The following ADAMTSL1 variants were observed in gnomAD, a reference collection of about 807,000 sequenced individuals.
The protein encoded by ADAMTSL1 is ADAMTS-like protein 1.
A neutral mutation model predicts 201.8 loss-of-function variants in ADAMTSL1; 126 were observed. The observed-to-expected ratio is 0.62, with a 90% CI of 0.54 to 0.72. The LOEUF (loss-of-function observed/expected upper bound fraction) is 0.72, where lower values mean the gene tolerates loss of function less well. Ranked by LOEUF, ADAMTSL1 falls within the 30% of genes least tolerant of loss-of-function variation. ADAMTSL1 has a pLI of 0.00. For synonymous variants in ADAMTSL1, 1,121 were observed against 903.4 expected, an observed-to-expected ratio of 1.24 and a Z score of -4.32; for missense variants, 2,679 against 2,277.8, an observed-to-expected ratio of 1.18 and a Z score of -3.59.
intron 1 of ADAMTSL1, among the ~76,000 whole-genome samples, chr9:18,490,824 G>A (rs753301006): frequency 2.6e-5 from 4 of 152,172 alleles, no homozygotes; most frequent in South Asian, 4.1e-4. Flanking sequence ...GAGGAGCCAC[G>A]TCAGCCAAGC....
In ADAMTSL1 at chr9:18,158,975, C is replaced by A. The variant is rs545871146; in HGVS notation, c.88-4887C>A. Among the ~76,000 whole-genome samples the A allele has an allele frequency of 1.6e-3, 241 of 152,052 alleles. 2 individuals are homozygous for A. The highest frequency in any genetic ancestry group is 5.6e-3 in the African/African-American group (231 of 41,522). The stretch of plus-strand genomic sequence containing the variant: ...AACTGGAGCTAGATTGTTTTGGCTC[C>A]AATAAATGTTTCTATTCAGCTATTT... On this transcript the variant is annotated intron_variant, in intron 1 of 29. Transcript: ENST00000680146.
Position 18,475,661 on chromosome 9 carries a change from G to A in ADAMTSL1, c.63+1366G>A, listed in dbSNP as rs138449524. Among the ~76,000 whole-genome samples the A allele has an allele frequency of 1.4e-3, 219 of 152,236 alleles. 1 individual carries two copies. The highest frequency in any genetic ancestry group is 6.8e-3 in the Middle Eastern group (2 of 294). On this transcript the variant is annotated intron_variant, in intron 1 of 28. Coordinates refer to ENST00000380548, the MANE Select transcript of ADAMTSL1 (RefSeq NM_001040272.6). ...TTAGGTATGCTTTATGACTTGTGGAGCAAGCGATTTATGAAAGGTGTCTCA... is the reference window on the plus strand; with the variant it reads ...TTAGGTATGCTTTATGACTTGTGGAACAAGCGATTTATGAAAGGTGTCTCA...
chr9:18,745,216 G>C (rs1386786028), intron 15 of ADAMTSL1, among the ~76,000 whole-genome samples: 2 of 152,078 alleles, frequency 1.3e-5, no homozygotes, highest in African/African-American at 4.8e-5. Flanking sequence ...TTATTATTAT[G>C]ATGATTGCCA....
At chr9:18,707,105 C>CTGCA in intron 14 of ADAMTSL1, 57 bp downstream of exon 14, 1 of 1,558,452 alleles carries the variant, frequency 6.4e-7, no homozygotes, top group Non-Finnish European at 8.7e-7. Flanking sequence ...TTTTCTCTCT[C>CTGCA]TGCATGCAGC....
intron 23 of ADAMTSL1, among the ~76,000 whole-genome samples, chr9:18,832,579 C>T (rs1429628949): frequency 6.6e-6 from 1 of 152,164 alleles, no homozygotes; most frequent in African/African-American, 2.4e-5. Flanking sequence ...TTGAGGATAA[C>T]AGAATTCTAG....
intron 1 of ADAMTSL1, among the ~76,000 whole-genome samples, chr9:18,100,257 A>C (rs924132797): frequency 3.3e-5 from 5 of 151,944 alleles, no homozygotes; most frequent in African/African-American, 1.2e-4. Flanking sequence ...TATGTTACTC[A>C]TTTGTTTGTG....
At chr9:18,313,239 C>G (rs1267176769) in intron 2 of ADAMTSL1, among the ~76,000 whole-genome samples, 1 of 152,174 alleles carries the variant, frequency 6.6e-6, no homozygotes, top group Non-Finnish European at 1.5e-5. Context: ...TCTTTGAGAA[C>G]TATTTTTCTT....
intron 1 of ADAMTSL1, among the ~76,000 whole-genome samples, chr9:18,140,156 A>C (rs1447073391): frequency 6.6e-6 from 1 of 152,160 alleles, no homozygotes; most frequent in African/African-American, 2.4e-5. Flanking sequence ...TTTAACCCAT[A>C]ATAGGGAAGT....
intron 1 of ADAMTSL1, among the ~76,000 whole-genome samples, chr9:18,477,354 C>T (rs1563983739): frequency 6.6e-6 from 1 of 152,294 alleles, no homozygotes; most frequent in East Asian, 1.9e-4. Flanking sequence ...TAATAAAGTA[C>T]ATGTGTTTTC....
At chr9:18,095,990 C>T (rs1352981527) in intron 1 of ADAMTSL1, among the ~76,000 whole-genome samples, 2 of 152,136 alleles carry the variant, frequency 1.3e-5, no homozygotes, top group Non-Finnish European at 2.9e-5. Context: ...TTGGTCTTGT[C>T]TGTATTGTAA....
At chr9:18,314,001 AACT>A (rs1834253577) in intron 2 of ADAMTSL1, among the ~76,000 whole-genome samples, 1 of 152,136 alleles carries the variant, frequency 6.6e-6, no homozygotes, top group African/African-American at 2.4e-5. Flanking sequence ...CAAATGACCC[AACT>A]AAAAAAAATG....
At position 18,047,121 on chromosome 9, in the gene ADAMTSL1, C is replaced by A. The variant is rs16936271; in HGVS notation, c.88-116741C>A. Among the ~76,000 whole-genome samples the A allele has an allele frequency of 7.4e-3, 1,132 of 152,206 alleles. 22 individuals are homozygous for A. Among genetic ancestry groups the A allele is most frequent in the African/African-American group, 0.025 (1,055 of 41,516 alleles). On this transcript the variant is annotated intron_variant, in intron 1 of 29. Transcript: ENST00000680146. ...AGGACTAATTCAGGAGATGTTACTA[C>A]AGAGCACTGTATGAGTCTAGAAAGA...
intron 2 of ADAMTSL1, among the ~76,000 whole-genome samples, chr9:18,230,383 C>G (rs1226693361): frequency 1.3e-5 from 2 of 152,014 alleles, no homozygotes; most frequent in African/African-American, 4.8e-5. Flanking sequence ...TAAAAGTTGG[C>G]TGGGAGAAGT....
At chr9:18,087,648 C>A (rs962894304) in intron 1 of ADAMTSL1, among the ~76,000 whole-genome samples, 56 of 151,718 alleles carry the variant, frequency 3.7e-4, no homozygotes, top group African/African-American at 1.3e-3. Context: ...AAAGTTGTAT[C>A]GTAATTTAAC....
chr9:18,162,238 G>A (rs1018857643), intron 1 of ADAMTSL1, among the ~76,000 whole-genome samples: 1 of 151,928 alleles, frequency 6.6e-6, no homozygotes, highest in African/African-American at 2.4e-5. Flanking sequence ...GGCAAATCAA[G>A]TCCTTGTTAC....
At chr9:18,420,913 C>T (rs1414521558) in intron 2 of ADAMTSL1, among the ~76,000 whole-genome samples, 1 of 152,094 alleles carries the variant, frequency 6.6e-6, no homozygotes, top group East Asian at 1.9e-4. Flanking sequence ...TGTGCCTTGG[C>T]CCTCTGAGAA....
chr9:18,687,618 A>G (rs1830913324), intron 13 of ADAMTSL1, among the ~76,000 whole-genome samples: 1 of 152,226 alleles, frequency 6.6e-6, no homozygotes, highest in South Asian at 2.1e-4. Flanking sequence ...CTATCTCATT[A>G]TGTAATACAG....
At chr9:18,034,331 C>G (rs770480480) in intron 1 of ADAMTSL1, among the ~76,000 whole-genome samples, 1 of 152,070 alleles carries the variant, frequency 6.6e-6, no homozygotes, top group East Asian at 1.9e-4. Context: ...ATCACTCTTA[C>G]TTTCTAATTC....
At chr9:18,307,351 G>A (rs61225378) in intron 2 of ADAMTSL1, among the ~76,000 whole-genome samples, 10,376 of 152,070 alleles carry the variant, frequency 0.068, 1,152 homozygotes, top group African/African-American at 0.23. Flanking sequence ...AACAATATTA[G>A]CCTTCCATGT....
Sources: allele counts gnomAD v4.1 joint callset (sites outside exome capture counted in the v4.1 genomes callset), GRCh38; gene constraint gnomAD v4.1.1; transcripts MANE v1.5; gene names NCBI Gene and HGNC (gene_info 2026-07-23, HGNC 2026-07-21).